Variants in ACAT1 observed in about 807,000 individuals in gnomAD.
ACAT1 encodes the protein acetyl-CoA acetyltransferase 1.
Under a neutral mutation model 47.3 loss-of-function variants are expected in ACAT1, and 28 were observed. The ratio of observed to expected loss-of-function variants is 0.59; its 90% CI spans 0.44 to 0.81. ACAT1 has a LOEUF of 0.81. Among genes scored for constraint, ACAT1 ranks in the 30% least tolerant of loss-of-function variants. The probability of loss-of-function intolerance (pLI) is 0.00; values close to 1 mark genes in which losing one functional copy is unlikely to be tolerated. For missense variants in ACAT1, 469 were observed against 524.3 expected, an observed-to-expected ratio of 0.89 and a Z score of 1.03; for synonymous variants, 181 against 173.6, an observed-to-expected ratio of 1.04 and a Z score of -0.34.
chr11:108,131,049 G>C (rs2077347746), intron 1 of ACAT1, among the ~76,000 whole-genome samples: 1 of 152,212 alleles, frequency 6.6e-6, no homozygotes, highest in African/African-American at 2.4e-5. Flanking sequence ...CACTTGCCCA[G>C]CCTACTGTTG....
chr11:108,118,484 CCTA>C (rs1864993386), upstream of ACAT1, among the ~76,000 whole-genome samples: 2 of 152,082 alleles, frequency 1.3e-5, no homozygotes, highest in African/African-American at 4.8e-5. Context: ...ACGCCACTGT[CCTA>C]CCTCAGCCTC....
chr11:108,121,219 C>A (rs1033909434), upstream of ACAT1: 19 of 291,172 alleles, frequency 6.5e-5, no homozygotes, highest in African/African-American at 4.4e-4. Context: ...AAAAAAAAAT[C>A]CTAAAATATT....
At chr11:108,137,338 G>T (rs1342743596) in intron 5 of ACAT1, among the ~76,000 whole-genome samples, 2 of 152,122 alleles carry the variant, frequency 1.3e-5, no homozygotes, top group Non-Finnish European at 2.9e-5. Context: ...TGAGGTATAG[G>T]TTAGGCTGTG....
At chr11:108,144,678 T>C (rs1426140463) in intron 10 of ACAT1, among the ~76,000 whole-genome samples, 1 of 130,894 alleles carries the variant, frequency 7.6e-6, no homozygotes, top group Non-Finnish European at 1.6e-5. Flanking sequence ...AAAATCAGAT[T>C]CTCCCCACTG....
At chr11:108,140,964 AC>A (rs1459676929) in intron 7 of ACAT1, among the ~76,000 whole-genome samples, 4 of 152,064 alleles carry the variant, frequency 2.6e-5, no homozygotes, top group Non-Finnish European at 5.9e-5. Context: ...AGTGGCTCAC[AC>A]CTGTAATCCC....
intron 1 of ACAT1, among the ~76,000 whole-genome samples, chr11:108,124,171 C>CTCT (rs2077205231): frequency 6.6e-6 from 1 of 152,230 alleles, no homozygotes; most frequent in African/African-American, 2.4e-5. Context: ...CCCGCTTCTG[C>CTCT]TGGGATCCTG....
At chr11:108,120,952 G>A (rs2077137987), upstream of ACAT1, among the ~76,000 whole-genome samples, 1 of 152,108 alleles carries the variant, frequency 6.6e-6, no homozygotes. Context: ...TGTAATCCCA[G>A]CACTTTGGGA....
upstream of ACAT1, chr11:108,121,306 C>T (rs1447820072): frequency 7.5e-6 from 4 of 532,862 alleles, no homozygotes; most frequent in Non-Finnish European, 1.4e-5. Flanking sequence ...ACATAAACCA[C>T]CGGCCCCGGC....
At chr11:108,121,986 G>T in intron 1 of ACAT1, 7 of 494,252 alleles carry the variant, frequency 1.4e-5, no homozygotes, top group South Asian at 1.1e-4. Context: ...GCGCTGGCCC[G>T]GCCTGAGCGG....
At chr11:108,141,533 A>G (rs2077586091) in intron 7 of ACAT1, 72 bp from the exon 8 acceptor site, 2 of 1,130,474 alleles carry the variant, frequency 1.8e-6, no homozygotes, top group East Asian at 2.4e-5. Context: ...ACTACTAGGC[A>G]TCTTGTACAA....
At chr11:108,139,556 C>T (rs990780256) in intron 6 of ACAT1, among the ~76,000 whole-genome samples, 1 of 151,954 alleles carries the variant, frequency 6.6e-6, no homozygotes, top group Non-Finnish European at 1.5e-5. Context: ...TGCACCACTG[C>T]ACTCCAGCCT....
intron 7 of ACAT1, among the ~76,000 whole-genome samples, 180 bp downstream of exon 7, chr11:108,140,395 C>T (rs928571570): frequency 7.9e-5 from 12 of 152,208 alleles, no homozygotes; most frequent in African/African-American, 2.9e-4. Context: ...GATTTCAATC[C>T]ATTTATAAGA....
intron 1 of ACAT1, among the ~76,000 whole-genome samples, chr11:108,130,454 C>T (rs917236632): frequency 6.6e-6 from 1 of 152,008 alleles, no homozygotes. Flanking sequence ...AGTACAGTGG[C>T]GTGATCTTGG....
intron 1 of ACAT1, among the ~76,000 whole-genome samples, chr11:108,131,148 C>T (rs930425455): frequency 1.3e-5 from 2 of 151,948 alleles, no homozygotes; most frequent in African/African-American, 4.8e-5. Flanking sequence ...AATTTATCTG[C>T]TATTATAGGT....
chr11:108,129,930 T>A (rs1226213354), intron 1 of ACAT1, among the ~76,000 whole-genome samples: 1 of 152,034 alleles, frequency 6.6e-6, no homozygotes, highest in African/African-American at 2.4e-5. Context: ...TATTTTTTAT[T>A]TTTATATATG....
chr11:108,132,958 G>A (rs182023229), intron 2 of ACAT1, among the ~76,000 whole-genome samples: 40 of 151,700 alleles, frequency 2.6e-4, no homozygotes, highest in South Asian at 1.9e-3. Flanking sequence ...GCCAAAGTGC[G>A]TGGATCACCT....
At chr11:108,120,088 G>A (rs1232920377), upstream of ACAT1, among the ~76,000 whole-genome samples, 3 of 151,968 alleles carry the variant, frequency 2.0e-5, no homozygotes, top group Non-Finnish European at 2.9e-5. Flanking sequence ...GCTTGGCAGC[G>A]TGCGCCTGTA....
rs1025180934 is a variant in ACAT1, at chr11:108,135,238, A to C, written c.431A>C (p.His144Pro). The part of the protein sequence containing the change: ...MMASQSLMCG[H>P]QDVMVAGGME... ...GCCTCTCAAAGTCTTATGTGTGGAC[A>C]TCAGGTAAGAAACACCGTCCTTCCC... The change falls in exon 5 of 12, where the codon CAT (histidine) becomes CCT (proline). Residue 144 changes from histidine to proline, a missense_variant. Coordinates refer to ENST00000265838, the MANE Select transcript of ACAT1 (RefSeq NM_000019.4). 7 of 1,606,592 alleles carry C rather than the reference A, an allele frequency of 4.4e-6. No homozygotes were observed. The East Asian group carries it at 1.6e-4, about 36-fold the overall frequency.
chr11:108,134,751 C>T (rs2077432724), intron 4 of ACAT1, among the ~76,000 whole-genome samples: 1 of 150,824 alleles, frequency 6.6e-6, no homozygotes, highest in Non-Finnish European at 1.5e-5. Context: ...TGAGACCATC[C>T]TGGCTAACAC....
Sources: gnomAD v4.1 joint callset for allele counts (sites outside exome capture counted in the v4.1 genomes callset) on GRCh38, gnomAD v4.1.1 for gene constraint, MANE v1.5 for transcripts, NCBI Gene and HGNC (gene_info 2026-07-23, HGNC 2026-07-21) for gene names.